Variants in WWOX observed in about 807,000 individuals in gnomAD.
The protein encoded by WWOX is WW domain-containing oxidoreductase.
WWOX carries 69 observed loss-of-function variants against 46.2 expected under a neutral mutation model. The observed-to-expected ratio is 1.49, with a 90% CI of 1.23 to 1.82. The LOEUF is 1.82. Among genes scored for constraint, WWOX ranks in the 40% most tolerant of loss-of-function variants. The pLI, the probability that WWOX is intolerant of heterozygous loss-of-function variation, is 0.00. For synonymous variants in WWOX, 359 were observed against 202.6 expected (o/e 1.77, Z -6.56); for missense variants, 919 against 542.6 (o/e 1.69, Z -6.89).
chr16:78,948,091 C>T lies in WWOX; in HGVS notation c.1057-263517C>T, dbSNP rs368911473. 1.7e-4 allele frequency among the ~76,000 whole-genome samples: 26 copies of T among 152,290 alleles called. 1 individual carries two copies. The highest frequency in any genetic ancestry group is 1.2e-3 in the Admixed American group (19 of 15,300). On this transcript the variant is annotated intron_variant, in intron 8 of 8. Coordinates refer to ENST00000566780, the MANE Select transcript of WWOX (RefSeq NM_016373.4). ...CCGTCAGAGAGAGTTCAACTCCATC[C>T]GTGCAGCTGCTAGCATCTTGCCTTA...
At chr16:78,206,611 A>T (rs1044536948) in intron 5 of WWOX, among the ~76,000 whole-genome samples, 12 of 152,128 alleles carry the variant, frequency 7.9e-5, no homozygotes, top group African/African-American at 2.9e-4. Context: ...TCTATTTTTA[A>T]TTCTGGTTTA....
chr16:78,501,928 C>G (rs752078819), intron 8 of WWOX, among the ~76,000 whole-genome samples: 1 of 152,114 alleles, frequency 6.6e-6, no homozygotes, highest in Non-Finnish European at 1.5e-5. Flanking sequence ...TGTGGTCCCA[C>G]CTGCCCATCG....
intron 8 of WWOX, among the ~76,000 whole-genome samples, chr16:79,182,308 A>AT (rs940828960): frequency 2.9e-4 from 44 of 151,862 alleles, no homozygotes; most frequent in African/African-American, 1.0e-3. Context: ...TACCAGCGCC[A>AT]TGTTGTCATC....
chr16:78,201,784 C>A (rs947625350), intron 5 of WWOX, among the ~76,000 whole-genome samples: 1 of 152,058 alleles, frequency 6.6e-6, no homozygotes, highest in South Asian at 2.1e-4. Context: ...ACTGCAACCT[C>A]TGCCTCCCAG....
chr16:78,822,925 C>G (rs2051543415), intron 8 of WWOX, among the ~76,000 whole-genome samples: 1 of 149,580 alleles, frequency 6.7e-6, no homozygotes, highest in South Asian at 2.1e-4. Context: ...AGCCAAAAAA[C>G]TAAAAGAAAA....
At chr16:78,512,436 G>A (rs2085383814) in intron 8 of WWOX, among the ~76,000 whole-genome samples, 1 of 152,166 alleles carries the variant, frequency 6.6e-6, no homozygotes, top group African/African-American at 2.4e-5. Flanking sequence ...TTTTAAAAAT[G>A]TGTTGAGTAG....
At chr16:79,066,255 C>T (rs555440094) in intron 8 of WWOX, among the ~76,000 whole-genome samples, 5 of 152,186 alleles carry the variant, frequency 3.3e-5, no homozygotes, top group Admixed American at 6.5e-5. Flanking sequence ...TCCATACCTC[C>T]TCTGGTTATC....
chr16:79,067,662 G>T (rs990425422), intron 8 of WWOX, among the ~76,000 whole-genome samples: 1 of 151,924 alleles, frequency 6.6e-6, no homozygotes, highest in Non-Finnish European at 1.5e-5. Context: ...ATCACCACCT[G>T]CATATTATGC....
intron 5 of WWOX, among the ~76,000 whole-genome samples, chr16:78,365,874 T>C (rs1476611713): frequency 3.9e-5 from 6 of 152,210 alleles, no homozygotes; most frequent in African/African-American, 1.4e-4. Flanking sequence ...CTCCTTTCCT[T>C]ACAGAAACAT....
chr16:78,710,588 T>C lies in WWOX; in HGVS notation c.1056+277836T>C, dbSNP rs3889650. The stretch of plus-strand genomic sequence containing the variant: ...AGTATATATCTAAATATATAAAATA[T>C]ATATAAATATATACATATATGTGTA... On this transcript the variant is annotated intron_variant, in intron 8 of 8. Transcript: ENST00000566780. Among the ~76,000 whole-genome samples the C allele has an allele frequency of 4.2e-3, 600 of 143,054 alleles. 4 individuals carry two copies. Among genetic ancestry groups the C allele is most frequent in the African/African-American group, 0.014 (564 of 39,094 alleles). The allele number at this position is 143,054 out of a possible 152,430, so 93.8% of individuals were successfully genotyped here.
In WWOX at chr16:79,038,809, C is replaced by A. The variant is rs556808736; in HGVS notation, c.1057-172799C>A. 3.8e-4 allele frequency among the ~76,000 whole-genome samples: 58 copies of A among 152,246 alleles called. 1 individual carries two copies. The South Asian group carries it at 0.012, about 31-fold the overall frequency. On this transcript the variant is annotated intron_variant, in intron 8 of 8. Coordinates refer to ENST00000566780, the MANE Select transcript of WWOX (RefSeq NM_016373.4). ...AGGTGACCCACCTGCCTCAGCCTCC[C>A]AAAGTGCTGGGATTACAAGCATGAG...
chr16:78,406,348 A>ATATATT (rs2082542571), intron 6 of WWOX, among the ~76,000 whole-genome samples: 1 of 76,392 alleles, frequency 1.3e-5, no homozygotes, highest in East Asian at 3.4e-4. Flanking sequence ...ATATATATAT[A>ATATATT]TATATATTTT....
chr16:78,979,399 G>A (rs1465160427), intron 8 of WWOX, among the ~76,000 whole-genome samples: 1 of 152,146 alleles, frequency 6.6e-6, no homozygotes, highest in Non-Finnish European at 1.5e-5. Context: ...GCAGCAACAA[G>A]AAGAGAGAAG....
chr16:79,009,298 C>T (rs902582148), intron 8 of WWOX, among the ~76,000 whole-genome samples: 14 of 152,086 alleles, frequency 9.2e-5, no homozygotes, highest in South Asian at 2.1e-4. Flanking sequence ...AATGAAGGGG[C>T]GCTTTCTGGA....
chr16:78,753,801 CAAAAAAAAAAA>C (rs869066028), intron 8 of WWOX, among the ~76,000 whole-genome samples: 2 of 29,122 alleles, frequency 6.9e-5, no homozygotes, highest in East Asian at 1.8e-3. Context: ...GACCCTATAT[CAAAAAAAAAAA>C]AAAAAAAAAA....
intron 8 of WWOX, among the ~76,000 whole-genome samples, chr16:78,999,813 G>A (rs922800426): frequency 2.6e-5 from 4 of 152,054 alleles, no homozygotes; most frequent in Non-Finnish European, 4.4e-5. Flanking sequence ...TCACCACTAC[G>A]CCATATATGC....
chr16:78,483,502 T>G (rs1463254566), intron 8 of WWOX, among the ~76,000 whole-genome samples: 1 of 150,868 alleles, frequency 6.6e-6, no homozygotes, highest in Non-Finnish European at 1.5e-5. Context: ...AGGCAGACAG[T>G]AAGATTTATA....
intron 8 of WWOX, among the ~76,000 whole-genome samples, chr16:78,851,141 C>G (rs995577895): frequency 1.3e-5 from 2 of 152,162 alleles, no homozygotes; most frequent in African/African-American, 4.8e-5. Context: ...AACAATATGG[C>G]TTTCACCCTC....
chr16:79,095,462 G>C (rs1241767634), intron 8 of WWOX, among the ~76,000 whole-genome samples: 1 of 152,176 alleles, frequency 6.6e-6, no homozygotes, highest in East Asian at 1.9e-4. Context: ...CAGAAGAGGT[G>C]GGGGCAGCAG....
Sources: gnomAD v4.1 joint callset for allele counts (sites outside exome capture counted in the v4.1 genomes callset) on GRCh38, gnomAD v4.1.1 for gene constraint, MANE v1.5 for transcripts, NCBI Gene and HGNC (gene_info 2026-07-23, HGNC 2026-07-21) for gene names.